RBFOX1: variants seen among roughly 807,000 people sequenced by gnomAD.
RBFOX1 encodes RNA binding protein fox-1 homolog 1.
A neutral mutation model predicts 57.7 loss-of-function variants in RBFOX1; 8 were observed. The ratio of observed to expected loss-of-function variants is 0.14; its 90% CI spans 0.08 to 0.25. RBFOX1 has a LOEUF of 0.25. Ranked by LOEUF, RBFOX1 falls within the 10% of genes least tolerant of loss-of-function variation. The pLI, the probability that RBFOX1 is intolerant of heterozygous loss-of-function variation, is 1.00. For missense variants in RBFOX1, 611 were observed against 548.5 expected (o/e 1.11, Z -1.14); for synonymous variants, 326 against 222.4 (o/e 1.47, Z -4.15).
intron 1 of RBFOX1, among the ~76,000 whole-genome samples, chr16:6,020,604 C>CT (rs2095052465): frequency 6.6e-6 from 1 of 152,154 alleles, no homozygotes; most frequent in Admixed American, 6.5e-5. Context: ...GAAACTCCTA[C>CT]TGTGCCCCTG....
rs2096132671 is a variant in RBFOX1, at chr16:6,089,090, T to C, written c.-127+69098T>C. Among the ~76,000 whole-genome samples, 3 of 150,298 alleles carry C rather than the reference T, an allele frequency of 2.0e-5. 1 individual carries two copies. The South Asian group carries it at 6.3e-4, about 31-fold the overall frequency. On this transcript the variant is annotated intron_variant, in intron 1 of 15. Transcript: ENST00000550418. ...CAAAAAAAAAAAAAATATATATATA[T>C]ATATATGATCCTAAAAAGACATTGA...
At chr16:5,453,023 G>C (rs1412035799) in intron 1 of RBFOX1, among the ~76,000 whole-genome samples, 1 of 152,144 alleles carries the variant, frequency 6.6e-6, no homozygotes, top group African/African-American at 2.4e-5. Flanking sequence ...ATATCCTCCT[G>C]CTATTGGGAC....
intron 2 of RBFOX1, among the ~76,000 whole-genome samples, chr16:5,592,758 A>G (rs201243464): frequency 6.6e-5 from 10 of 152,306 alleles, no homozygotes; most frequent in African/African-American, 1.4e-4. Context: ...TGTTCATCCA[A>G]CAGCCATGAT....
chr16:5,890,102 G>C (rs973430274), intron 4 of RBFOX1, among the ~76,000 whole-genome samples: 1 of 152,162 alleles, frequency 6.6e-6, no homozygotes, highest in Non-Finnish European at 1.5e-5. Flanking sequence ...TGGGTAAACT[G>C]TACTCTTTGC....
In RBFOX1 at chr16:5,799,693, C is replaced by T. The variant is rs576136429; in HGVS notation, c.319-67610C>T. Among the ~76,000 whole-genome samples the T allele has an allele frequency of 8.7e-4, 132 of 152,128 alleles. 1 individual carries two copies. Among genetic ancestry groups the T allele is most frequent in the African/African-American group, 2.9e-3 (119 of 41,480 alleles). On this transcript the variant is annotated intron_variant, in intron 3 of 19. Transcript: ENST00000641259. ...GTAGGCTGGGCCAAGCTGTGATGTTCGGTTGGTGAGGCATATTGAATCCAT... is the reference window on the plus strand; with the variant it reads ...GTAGGCTGGGCCAAGCTGTGATGTTTGGTTGGTGAGGCATATTGAATCCAT...
intron 3 of RBFOX1, among the ~76,000 whole-genome samples, chr16:5,731,180 C>G (rs2052358753): frequency 6.6e-6 from 1 of 152,084 alleles, no homozygotes; most frequent in African/African-American, 2.4e-5. Flanking sequence ...TCACCACTGC[C>G]TTTGTCACCA....
At chr16:5,496,655 G>A (rs75104951) in intron 2 of RBFOX1, among the ~76,000 whole-genome samples, 5,822 of 152,244 alleles carry the variant, frequency 0.038, 204 homozygotes, top group East Asian at 0.14. Context: ...ACGAGGGAGA[G>A]TGAGGAGGAG....
chr16:5,878,632 G>A (rs1255381636), intron 4 of RBFOX1, among the ~76,000 whole-genome samples: 1 of 152,146 alleles, frequency 6.6e-6, no homozygotes, highest in Non-Finnish European at 1.5e-5. Flanking sequence ...CTGATTCCCG[G>A]CACTAATGTA....
intron 3 of RBFOX1, among the ~76,000 whole-genome samples, chr16:7,034,827 CTTT>C (rs113413414): frequency 1.8e-5 from 1 of 54,106 alleles, no homozygotes; most frequent in Non-Finnish European, 3.1e-5. Context: ...TATTGCATTA[CTTT>C]TTTTTTTTTT....
rs542898195 is a variant in RBFOX1 at position 7,599,638 on chromosome 16, C to CTTTTTTTTTTTTTTTTTTTTTTT, written c.622+2219_622+2220insTTTTTTTTTTTTTTTTTTTTTTT. Reference sequence around the variant, plus strand: ...GAGAAGATGAAGAAATTAATAAAGACTTTTTTTTTTTTCTTTTTTTTTTTT... The same window carrying CTTTTTTTTTTTTTTTTTTTTTTT: ...GAGAAGATGAAGAAATTAATAAAGACTTTTTTTTTTTTTTTTTTTTTTTTTTTTTTTTTTTCTTTTTTTTTTTT... On this transcript the variant is annotated intron_variant, in intron 9 of 15. Coordinates refer to ENST00000550418, the MANE Select transcript of RBFOX1 (RefSeq NM_018723.4). 3.2e-5 allele frequency among the ~76,000 whole-genome samples: 2 copies of CTTTTTTTTTTTTTTTTTTTTTTT among 62,804 alleles called. 1 individual carries two copies. Among genetic ancestry groups the CTTTTTTTTTTTTTTTTTTTTTTT allele is most frequent in the African/African-American group, 9.8e-5 (2 of 20,312 alleles). The allele number at this position is 62,804 out of a possible 152,430, so 41.2% of individuals were successfully genotyped here.
intron 3 of RBFOX1, among the ~76,000 whole-genome samples, chr16:6,937,896 G>A (rs1430059904): frequency 6.9e-6 from 1 of 145,750 alleles, no homozygotes; most frequent in East Asian, 2.0e-4. Context: ...TGGGTATCAT[G>A]AGGCATTCCT....
intron 14 of RBFOX1, among the ~76,000 whole-genome samples, chr16:7,696,628 G>T (rs967728550): frequency 6.6e-6 from 1 of 152,110 alleles, no homozygotes; most frequent in African/African-American, 2.4e-5. Flanking sequence ...AAATGAGTCA[G>T]GAGAAGGTCT....
chr16:6,386,404 C>T (rs994348542), intron 2 of RBFOX1, among the ~76,000 whole-genome samples: 1 of 152,304 alleles, frequency 6.6e-6, no homozygotes, highest in Non-Finnish European at 1.5e-5. Context: ...TCATCCACTT[C>T]TTGCTGTGTA....
intron 4 of RBFOX1, among the ~76,000 whole-genome samples, chr16:7,448,226 T>G (rs1394962357): frequency 6.6e-6 from 1 of 152,194 alleles, no homozygotes; most frequent in East Asian, 1.9e-4. Flanking sequence ...TTCTGGAAGT[T>G]GGAAGTCGTA....
Position 6,958,649 on chromosome 16 carries a change from T to A in RBFOX1, c.-15-93408T>A, listed in dbSNP as rs906356947. ...TGTGATGCTATTGGCTATGCATAAC[T>A]AGAAATGGGAAGTTAATATGGAATT... On this transcript the variant is annotated intron_variant, in intron 3 of 15. Coordinates refer to ENST00000550418, the MANE Select transcript of RBFOX1 (RefSeq NM_018723.4). Among the ~76,000 whole-genome samples, 3 of 152,194 alleles carry A rather than the reference T, an allele frequency of 2.0e-5. 1 individual carries two copies. The highest frequency in any genetic ancestry group is 7.2e-5 in the African/African-American group (3 of 41,454).
At chr16:7,049,158 A>G (rs1440011597) in intron 3 of RBFOX1, among the ~76,000 whole-genome samples, 1 of 152,180 alleles carries the variant, frequency 6.6e-6, no homozygotes, top group African/African-American at 2.4e-5. Flanking sequence ...TTTGTTTTCT[A>G]GGGTTCCCTG....
chr16:5,365,700 C>T (rs2065693064), intron 1 of RBFOX1: 2 of 358,944 alleles, frequency 5.6e-6, no homozygotes, highest in Admixed American at 3.9e-5. Context: ...AAAGAGCTTT[C>T]CCTGGTGTGA....
chr16:6,452,270 C>T (rs12933169), intron 2 of RBFOX1, among the ~76,000 whole-genome samples: 2 of 151,452 alleles, frequency 1.3e-5, no homozygotes, highest in African/African-American at 4.9e-5. Context: ...ATCCATGGCT[C>T]CTTCCTTCCA....
chr16:7,124,523 TC>T (rs2067965752), intron 4 of RBFOX1, among the ~76,000 whole-genome samples: 1 of 22,438 alleles, frequency 4.5e-5, no homozygotes, highest in Non-Finnish European at 9.2e-5. Flanking sequence ...TCCCCTCCCC[TC>T]CCCTCCTTCC....
Sources: gnomAD v4.1 joint callset for allele counts (sites outside exome capture counted in the v4.1 genomes callset) on GRCh38, gnomAD v4.1.1 for gene constraint, MANE v1.5 for transcripts, NCBI Gene and HGNC (gene_info 2026-07-23, HGNC 2026-07-21) for gene names.